Variants in PPM1J observed in about 807,000 individuals in gnomAD.
The protein encoded by PPM1J is protein phosphatase, Mg2+/Mn2+ dependent 1J.
PPM1J carries 43 observed loss-of-function variants against 53.3 expected under a neutral mutation model. The ratio of observed to expected loss-of-function variants is 0.81; its 90% CI spans 0.63 to 1.04. The LOEUF (loss-of-function observed/expected upper bound fraction) is 1.04. Ranked by LOEUF, PPM1J falls within the 50% of genes least tolerant of loss-of-function variation. PPM1J has a pLI of 0.00. For synonymous variants in PPM1J, 267 were observed against 286.4 expected, an observed-to-expected ratio of 0.93 and a Z score of 0.68; for missense variants, 635 against 685.9, an observed-to-expected ratio of 0.93 and a Z score of 0.83.
chr1:112,712,651 G>T, intron 3 of PPM1J, 93 bp downstream of exon 3: 1 of 1,351,960 alleles, frequency 7.4e-7, no homozygotes, highest in Non-Finnish European at 1.0e-6. Flanking sequence ...TCTCAAAGGT[G>T]TTGTGGGTTC....
chr1:112,712,100 C>A, intron 4 of PPM1J, 45 bp from the exon 5 acceptor site: 1 of 1,484,052 alleles, frequency 6.7e-7, no homozygotes, highest in South Asian at 1.2e-5. Context: ...TCTCTTCAGA[C>A]CCACTCATGA....
chr1:112,710,275 G>C lies in PPM1J; in HGVS notation c.1406C>G (p.Ala469Gly). Reference protein sequence around the residue: ...TALAQALVLGARGTPRDRGWR... With the variant: ...TALAQALVLGGRGTPRDRGWR... The stretch of plus-strand genomic sequence containing the variant: ...GCCACGGTCTCGGGGGGTACCCCGG[G>C]CCCCCAGGACCAGAGCTTGGGCCAG... Residue 469 changes from alanine (A) to glycine (G), a missense_variant, in exon 10 of 10, where the codon GCC becomes GGC. Coordinates refer to ENST00000309276, the MANE Select transcript of PPM1J (RefSeq NM_005167.7). The C allele has an allele frequency of 6.2e-7, 1 of 1,605,602 alleles. No homozygotes were observed. The highest frequency in any genetic ancestry group is 8.5e-7 in the Non-Finnish European group (1 of 1,177,964).
chr1:112,714,402 A>C, intron 1 of PPM1J: 1 of 985,636 alleles, frequency 1.0e-6, no homozygotes, highest in Non-Finnish European at 1.2e-6. Flanking sequence ...TGGCAGGCTG[A>C]AGGGCATCTA....
chr1:112,714,240 T>C (rs778907461), intron 1 of PPM1J: 5 of 986,036 alleles, frequency 5.1e-6, no homozygotes, highest in Non-Finnish European at 6.0e-6. Flanking sequence ...GGTGGGTCCA[T>C]GGGCCACCAG....
In PPM1J at chr1:112,712,866, C is replaced by G; in HGVS notation, c.607G>C (p.Gly203Arg). Residue 203 changes from glycine to arginine, a missense_variant, in exon 3 of 10, where the codon GGG becomes CGG. Physicochemically the swap from Gly to Arg is moderately radical, Grantham distance 125 (BLOSUM62 -2). Coordinates refer to ENST00000309276, the MANE Select transcript of PPM1J (RefSeq NM_005167.7). Reference sequence around the variant, plus strand: ...GAGGGATCGGAGGAATCTGGGGTCCCCGGAGTGGTTGGGAGGCAGAGGGGT... The same window carrying G: ...GAGGGATCGGAGGAATCTGGGGTCCGCGGAGTGGTTGGGAGGCAGAGGGGT... ...PPPLCLPTTP[G>R]TPDSSDPSHL... 6.2e-7 allele frequency: 1 copy of G among 1,613,912 alleles called. No individual in the cohort carries two copies. The highest frequency in any genetic ancestry group is 1.1e-5 in the South Asian group (1 of 91,066).
At chr1:112,714,532 A>G in intron 1 of PPM1J, 1 of 992,896 alleles carries the variant, frequency 1.0e-6, no homozygotes, top group South Asian at 4.7e-5. Context: ...TAAGAGGGAC[A>G]GGGAACTGGG....
At position 112,713,482 on chromosome 1, in the gene PPM1J, G is replaced by A; in HGVS notation, c.441+15C>T. 1 of 1,575,396 alleles carries A rather than the reference G, an allele frequency of 6.3e-7. No individual in the cohort carries two copies. Among genetic ancestry groups the A allele is most frequent in the Non-Finnish European group, 8.7e-7 (1 of 1,145,260 alleles). Reference sequence around the variant, plus strand: ...GAGGTGTCACTGTGTCTCTGGGAAAGGGGATGGGTCTTACCTGGCCTCGGC... The same window carrying A: ...GAGGTGTCACTGTGTCTCTGGGAAAAGGGATGGGTCTTACCTGGCCTCGGC... On this transcript the variant is annotated intron_variant, in intron 2 of 9. Coordinates refer to ENST00000309276, the MANE Select transcript of PPM1J (RefSeq NM_005167.7).
At position 112,715,254 on chromosome 1, in the gene PPM1J, C is replaced by G. The variant is rs750182904; in HGVS notation, c.48G>C (p.Gly16=). ...ATTTGGGGCGCGGAGGCGGAGCGCCCCCGGAGCTCACCAGGTGCGCCACGG... is the reference window on the plus strand; with the variant it reads ...ATTTGGGGCGCGGAGGCGGAGCGCCGCCGGAGCTCACCAGGTGCGCCACGG... ...RSAVAHLVSS[G]GAPPPRPKSP... The change falls in exon 1 of 10, where the codon GGG becomes GGC. Residue 16 remains glycine, a synonymous_variant. Coordinates refer to ENST00000309276, the MANE Select transcript of PPM1J (RefSeq NM_005167.7). This position sits in a 1 kb window ranked among gnomAD's most constrained non-coding sequence, Gnocchi z 4.4. The G allele has an allele frequency of 1.5e-6, 2 of 1,365,938 alleles. No individual in the cohort carries two copies. Among genetic ancestry groups the G allele is most frequent in the African/African-American group, 1.5e-5 (1 of 65,584 alleles). The allele number at this position is 1,365,938 out of a possible 1,614,324, so 84.6% of individuals were successfully genotyped here.
rs374045761 is a variant in PPM1J, at chr1:112,712,104, C to T, written c.843-49G>A. The T allele has an allele frequency of 4.3e-5, 63 of 1,469,478 alleles. No individual in the cohort carries two copies. In the Admixed American group the frequency reaches 8.3e-4, roughly 19 times the overall value. 91.0% of individuals were successfully genotyped at this position (1,469,478 alleles called of 1,614,324 possible). A position where few individuals can be genotyped will look rare whatever the true frequency, so the allele number is the denominator to read the frequency against. ...TGGGACCTGGTTCTCTTCAGACCCA[C>T]TCATGAAAAATTCCAGAAAGACCAG... is the stretch of plus-strand genomic sequence containing the variant. On this transcript the variant is annotated intron_variant, in intron 4 of 9. Transcript: ENST00000309276.
Position 112,710,561 on chromosome 1 carries a change from T to G in PPM1J, c.1269A>C (p.Leu423=). The G allele has an allele frequency of 6.2e-7, 1 of 1,614,180 alleles. No homozygotes were observed. The highest frequency in any genetic ancestry group is 1.3e-5 in the African/African-American group (1 of 75,044). ...TQYEHCPDDV[L]VLGTDGLWDV... ...CCCACAGGCCATCTGTTCCCAGGACTAGCACATCATCTGGGCAGTGCTCAT... is the reference window on the plus strand; with the variant it reads ...CCCACAGGCCATCTGTTCCCAGGACGAGCACATCATCTGGGCAGTGCTCAT... Residue 423 remains leucine (L), a synonymous_variant, in exon 9 of 10, where the codon CTA becomes CTC. Coordinates refer to ENST00000309276, the MANE Select transcript of PPM1J (RefSeq NM_005167.7).
rs1675095663 is a variant in PPM1J, at chr1:112,712,756, G to A, written c.717C>T (p.Ala239=). ...ESLVVGAVEN[A]FQLMDEQMAR... is the part of the protein sequence containing the mutation. ...GTCACCCACTCACCATGAGCTGGAAGGCATTCTCAACGGCCCCCACTACCA... is the reference window on the plus strand; with the variant it reads ...GTCACCCACTCACCATGAGCTGGAAAGCATTCTCAACGGCCCCCACTACCA... The change falls in exon 3 of 10, where the codon GCC becomes GCT. Residue 239 remains alanine, a synonymous_variant. Coordinates refer to ENST00000309276, the MANE Select transcript of PPM1J (RefSeq NM_005167.7). 6.2e-7 allele frequency: 1 copy of A among 1,609,314 alleles called. No homozygotes were observed. The highest frequency in any genetic ancestry group is 8.5e-7 in the Non-Finnish European group (1 of 1,178,122).
intron 4 of PPM1J, 60 bp from the exon 5 acceptor site, chr1:112,712,115 T>C: frequency 7.1e-7 from 1 of 1,403,982 alleles, no homozygotes; most frequent in Non-Finnish European, 9.8e-7. Context: ...TCATGAAAAA[T>C]TCCAGAAAGA....
Position 112,710,260 on chromosome 1 carries a change from CG to C in PPM1J, c.1420del (p.Arg474GlufsTer59), listed in dbSNP as rs1185191418. 16 of 1,602,470 alleles carry C rather than the reference CG, an allele frequency of 1.0e-5. No homozygotes were observed. The highest frequency in any genetic ancestry group is 1.3e-5 in the Non-Finnish European group (15 of 1,177,206). ...ALVLGARGTP[R>X]DRGWRLPNNK... ...GTTGGGGAGACGCCAGCCACGGTCT[CG>C]GGGGGTACCCCGGGCCCCCAGGACC... On this transcript the variant is annotated frameshift_variant, in exon 10 of 10. Transcript: ENST00000309276. LOFTEE classifies it high-confidence loss of function.
At position 112,715,070 on chromosome 1, in the gene PPM1J, C is replaced by A. The variant is rs775024040; in HGVS notation, c.232G>T (p.Gly78Trp). 3 of 1,550,628 alleles carry A rather than the reference C, an allele frequency of 1.9e-6. No homozygotes were observed. The highest frequency in any genetic ancestry group is 2.5e-5 in the East Asian group (1 of 39,294). ...TGGTCATCGGCGCGTCGCAGCCCCC[C>A]GGGGCTCAGCTGCAGAAAGGTCGGT... is the stretch of plus-strand genomic sequence containing the variant. ...SRPTFLQLSP[G>W]GLRRADDHAG... The change falls in exon 1 of 10, where the codon GGG becomes TGG. Residue 78 changes from glycine to tryptophan, a missense_variant. Transcript: ENST00000309276. This position sits in a 1 kb window ranked among gnomAD's most constrained non-coding sequence, Gnocchi z 4.4.
In PPM1J at chr1:112,710,240, G is replaced by A. The variant is rs1675024800; in HGVS notation, c.1441C>T (p.Pro481Ser). 6.3e-7 allele frequency: 1 copy of A among 1,592,282 alleles called. No individual in the cohort carries two copies. Among genetic ancestry groups the A allele is most frequent in the Non-Finnish European group, 8.5e-7 (1 of 1,174,506 alleles). Reference sequence around the variant, plus strand: ...TCCCCGGAACCCAGCTTGTTGTTGGGGAGACGCCAGCCACGGTCTCGGGGG... The same window carrying A: ...TCCCCGGAACCCAGCTTGTTGTTGGAGAGACGCCAGCCACGGTCTCGGGGG... Reference protein sequence around the residue: ...GTPRDRGWRLPNNKLGSGDDI... With the variant: ...GTPRDRGWRLSNNKLGSGDDI... Residue 481 changes from proline (P) to serine (S), a missense_variant, in exon 10 of 10, where the codon CCC (proline) becomes TCC (serine). Transcript: ENST00000309276.
chr1:112,712,107 A>G, intron 4 of PPM1J, 52 bp from the exon 5 acceptor site: 2 of 1,458,354 alleles, frequency 1.4e-6, no homozygotes, highest in Non-Finnish European at 9.4e-7. Context: ...AGACCCACTC[A>G]TGAAAAATTC....
intron 6 of PPM1J, 74 bp from the exon 7 acceptor site, chr1:112,711,145 C>A: frequency 6.6e-7 from 1 of 1,508,922 alleles, no homozygotes; most frequent in Non-Finnish European, 9.2e-7. Context: ...CATACCCTCA[C>A]ACAAACCCCT....
At chr1:112,712,638 G>C in intron 3 of PPM1J, 106 bp downstream of exon 3, 1 of 1,266,766 alleles carries the variant, frequency 7.9e-7, no homozygotes, top group Non-Finnish European at 1.1e-6. Context: ...GCTCTGCTCA[G>C]GCTCTCAAAG....
intron 1 of PPM1J, 69 bp from the exon 2 acceptor site, chr1:112,713,680 C>G: frequency 8.1e-7 from 1 of 1,237,692 alleles, no homozygotes. Context: ...CCACCTTAGA[C>G]ACACACCGTC....
Sources: gnomAD v4.1 joint callset for allele counts on GRCh38, gnomAD v4.1.1 for gene constraint, Gnocchi (gnomAD v3.1) non-coding constraint, MANE v1.5 for transcripts, NCBI Gene and HGNC (gene_info 2026-07-23, HGNC 2026-07-21) for gene names.